The following USP38 variants were observed in gnomAD, a reference collection of about 807,000 sequenced individuals.
USP38 encodes the protein ubiquitin specific peptidase 38, also known as ubiquitin carboxyl-terminal hydrolase 38.
A neutral mutation model predicts 94.3 loss-of-function variants in USP38; 49 were observed. That is an observed-to-expected ratio of 0.52 (90% CI 0.41 to 0.66). The LOEUF is 0.66. Among genes scored for constraint, USP38 ranks in the 30% least tolerant of loss-of-function variants. The probability of loss-of-function intolerance (pLI) is 0.00; values close to 1 mark genes in which losing one functional copy is unlikely to be tolerated. For synonymous variants in USP38, 468 were observed against 463.6 expected, an observed-to-expected ratio of 1.01 and a Z score of -0.12; for missense variants, 1,128 against 1,229.4, an observed-to-expected ratio of 0.92 and a Z score of 1.23.
chr4:143,217,913 C>T (rs1284047431), intron 9 of USP38, among the ~76,000 whole-genome samples: 1 of 152,006 alleles, frequency 6.6e-6, no homozygotes, highest in Non-Finnish European at 1.5e-5. Flanking sequence ...TTTATTTCCC[C>T]TTCATATATT....
chr4:143,193,034 T>A (rs180838188), intron 2 of USP38, among the ~76,000 whole-genome samples: 1 of 152,304 alleles, frequency 6.6e-6, no homozygotes, highest in East Asian at 1.9e-4. Context: ...ACCTGTATTC[T>A]GGTGAGCCCT....
chr4:143,210,210 G>A (rs2149611102), intron 7 of USP38, among the ~76,000 whole-genome samples: 1 of 152,164 alleles, frequency 6.6e-6, no homozygotes, highest in South Asian at 2.1e-4. Context: ...TTATGTTAAT[G>A]GCACCAAGGT....
At chr4:143,204,671 T>A (rs1381513127) in intron 5 of USP38, 7 of 290,930 alleles carry the variant, frequency 2.4e-5, no homozygotes, top group Non-Finnish European at 4.0e-5. Context: ...CATGAGCCAC[T>A]GTGCCTAGCC....
chr4:143,213,267 A>C (rs1732077838), intron 8 of USP38, among the ~76,000 whole-genome samples: 1 of 152,122 alleles, frequency 6.6e-6, no homozygotes, highest in South Asian at 2.1e-4. Context: ...TTTGTGCCTG[A>C]CTTTCTATGA....
At chr4:143,199,082 C>T (rs1731634990) in intron 4 of USP38, among the ~76,000 whole-genome samples, 1 of 152,000 alleles carries the variant, frequency 6.6e-6, no homozygotes, top group South Asian at 2.1e-4. Flanking sequence ...TTGCATTACC[C>T]AGTTATTAAA....
intron 2 of USP38, among the ~76,000 whole-genome samples, chr4:143,193,420 C>A (rs903544574): frequency 6.6e-6 from 1 of 152,150 alleles, no homozygotes. Flanking sequence ...ACAGTGAATA[C>A]CCTCTGTACA....
intron 4 of USP38, among the ~76,000 whole-genome samples, chr4:143,198,473 G>T (rs565175447): frequency 1.3e-5 from 2 of 152,210 alleles, no homozygotes; most frequent in Admixed American, 1.3e-4. Flanking sequence ...TACCACTCTA[G>T]GGCATCATAG....
At position 143,219,900 on chromosome 4, in the gene USP38, T is replaced by A. The variant is rs1287755467; in HGVS notation, c.2968-395T>A. Among the ~76,000 whole-genome samples the A allele has an allele frequency of 3.3e-5, 5 of 152,120 alleles. No individual in the cohort carries two copies. In the South Asian group the frequency reaches 1.0e-3, roughly 32 times the overall value. The stretch of plus-strand genomic sequence containing the variant: ...TTAGGCTTCATTTTACTTGTCAGTG[T>A]TCTTTGAGACCTGTTTTATTATTTA... On this transcript the variant is annotated intron_variant, in intron 9 of 9. Transcript: ENST00000307017.
chr4:143,217,648 C>A (rs1732219417), intron 9 of USP38, among the ~76,000 whole-genome samples: 1 of 151,988 alleles, frequency 6.6e-6, no homozygotes, highest in Non-Finnish European at 1.5e-5. Context: ...TTTTAAGAAG[C>A]TTTTTTTAGG....
rs1271384931 is a variant in USP38, at chr4:143,213,711, A to G, written c.1735A>G (p.Ser579Gly). The G allele has an allele frequency of 1.2e-6, 2 of 1,613,794 alleles. No individual in the cohort carries two copies. The highest frequency in any genetic ancestry group is 1.7e-6 in the Non-Finnish European group (2 of 1,179,824). ...AGTACTAACAGAGACCCCTCGTACA[A>G]GTGACGGTGAGAAGACTTTAATAGA... ...AAVLTETPRT[S>G]DGEKTLIEKM... The change falls in exon 9 of 10, where the codon AGT becomes GGT. Residue 579 changes from serine to glycine, a missense_variant. By Grantham distance (56) the Ser-to-Gly change is moderately conservative. Transcript: ENST00000307017.
Position 143,187,861 on chromosome 4 carries a change from C to A in USP38, c.718C>A (p.Leu240Ile). The A allele has an allele frequency of 2.5e-6, 4 of 1,613,292 alleles. No individual in the cohort carries two copies. The highest frequency in any genetic ancestry group is 2.5e-6 in the Non-Finnish European group (3 of 1,179,656). ...TGAACCTTCTGTAGCATTGGCAAGC[C>A]TTGTGCAGCATATTCCTCTTCAGAT... The part of the protein sequence containing the change: ...SFEPSVALAS[L>I]VQHIPLQMIT... Residue 240 changes from leucine to isoleucine, a missense_variant, in exon 2 of 10, where the codon CTT (leucine) becomes ATT (isoleucine). Coordinates refer to ENST00000307017, the MANE Select transcript of USP38 (RefSeq NM_032557.6).
rs148370895 is a variant in USP38 at position 143,215,068 on chromosome 4, C to T, written c.2967+125C>T. ...ATTCTGAAATATAGGTCTGGATTTA[C>T]ATGAAGTATTCTCAACCTGTATAAC... On this transcript the variant is annotated intron_variant, in intron 9 of 9. Coordinates refer to ENST00000307017, the MANE Select transcript of USP38 (RefSeq NM_032557.6). 506 of 959,008 alleles carry T rather than the reference C, an allele frequency of 5.3e-4. 3 individuals are homozygous for T. In the African/African-American group the frequency reaches 7.6e-3, roughly 14 times the overall value. 59.4% of individuals were successfully genotyped at this position (959,008 alleles called of 1,614,324 possible). A position where few individuals can be genotyped will look rare whatever the true frequency, so the allele number is the denominator to read the frequency against.
rs1288207415 is a variant in USP38 at position 143,185,774 on chromosome 4, C to T, written c.324C>T (p.His108=). ...ATGTAGCCATCCTGGACTACATTCA[C>T]AACGGCCTGAAGCTGATTATGAGCT... ...RKDVAILDYI[H]NGLKLIMSCP... is the part of the protein sequence containing the mutation. The change falls in exon 1 of 10, where the codon CAC becomes CAT. Residue 108 remains histidine (H), a synonymous_variant. Coordinates refer to ENST00000307017, the MANE Select transcript of USP38 (RefSeq NM_032557.6). 6.2e-7 allele frequency: 1 copy of T among 1,614,114 alleles called. No homozygotes were observed. The highest frequency in any genetic ancestry group is 1.3e-5 in the African/African-American group (1 of 74,938).
At chr4:143,196,756 G>A (rs1013545468) in intron 3 of USP38, among the ~76,000 whole-genome samples, 4 of 152,080 alleles carry the variant, frequency 2.6e-5, no homozygotes, top group African/African-American at 2.4e-5. Flanking sequence ...CCATATTCAT[G>A]TATCCATCTG....
rs1003376651 is a variant in USP38 at position 143,220,540 on chromosome 4, T to C, written c.*84T>C. On this transcript the variant is annotated 3_prime_UTR_variant, in exon 10 of 10. Coordinates refer to ENST00000307017, the MANE Select transcript of USP38 (RefSeq NM_032557.6). Reference sequence around the variant, plus strand: ...TGTCAGACTATAACAAATATCTATCTTTTATTTTTCATTAGACCCTTATAC... The same window carrying C: ...TGTCAGACTATAACAAATATCTATCCTTTATTTTTCATTAGACCCTTATAC... The C allele has an allele frequency of 7.5e-7, 1 of 1,331,150 alleles. No individual in the cohort carries two copies. The highest frequency in any genetic ancestry group is 1.5e-5 in the African/African-American group (1 of 66,302). The allele number at this position is 1,331,150 out of a possible 1,614,324, so 82.5% of individuals were successfully genotyped here.
rs970309214 is a variant in USP38 at position 143,220,773 on chromosome 4, A to C, written c.*317A>C. 8.8e-5 allele frequency: 16 copies of C among 181,320 alleles called. No individual in the cohort carries two copies. The highest frequency in any genetic ancestry group is 1.6e-4 in the Non-Finnish European group (14 of 87,560). The allele number at this position is 181,320 out of a possible 1,614,324, so 11.2% of individuals were successfully genotyped here. A position where few individuals can be genotyped will look rare whatever the true frequency, so the allele number is the denominator to read the frequency against. ...AGAAGCATTTAAATGGTCTATCTTC[A>C]GTTTTACTGAACAAAAAATGTAATT... On this transcript the variant is annotated 3_prime_UTR_variant, in exon 10 of 10. Coordinates refer to ENST00000307017, the MANE Select transcript of USP38 (RefSeq NM_032557.6).
At chr4:143,186,282 C>T in intron 1 of USP38, 150 bp downstream of exon 1, 1 of 775,362 alleles carries the variant, frequency 1.3e-6, no homozygotes, top group Non-Finnish European at 2.1e-6. Context: ...TATTCACATT[C>T]ACTACCTTAT....
chr4:143,185,594 C>G lies in USP38; in HGVS notation c.144C>G (p.Leu48=). The change falls in exon 1 of 10, where the codon CTC becomes CTG. Residue 48 remains leucine (L), a synonymous_variant. Transcript: ENST00000307017. ...CCATGTTTGACCTGACGACCCGGCT[C>G]ATCCTGGAGGGCCAGGACCCTTTCC... ...CEAMFDLTTR[L]ILEGQDPFQR... The G allele has an allele frequency of 3.7e-6, 6 of 1,614,176 alleles. No individual in the cohort carries two copies. Among genetic ancestry groups the G allele is most frequent in the Non-Finnish European group, 5.1e-6 (6 of 1,180,034 alleles).
chr4:143,211,781 A>G (rs886595610), intron 7 of USP38, among the ~76,000 whole-genome samples: 1 of 152,194 alleles, frequency 6.6e-6, no homozygotes, highest in Non-Finnish European at 1.5e-5. Context: ...TAAAACAAAA[A>G]TTAGCAAAGG....
Sources: allele counts gnomAD v4.1 joint callset (sites outside exome capture counted in the v4.1 genomes callset), GRCh38; gene constraint gnomAD v4.1.1; transcripts MANE v1.5; gene names NCBI Gene and HGNC (gene_info 2026-07-23, HGNC 2026-07-21).